INCENP: variants seen among roughly 807,000 people sequenced by gnomAD.
The protein encoded by INCENP is inner centromere protein.
A neutral mutation model predicts 107.3 loss-of-function variants in INCENP; 43 were observed. The observed-to-expected ratio is 0.40, with a 90% CI of 0.31 to 0.52. INCENP has a LOEUF of 0.52. Ranked by LOEUF, INCENP falls within the 20% of genes least tolerant of loss-of-function variation. The probability of loss-of-function intolerance (pLI) is 0.53; values close to 1 mark genes in which losing one functional copy is unlikely to be tolerated. For missense variants in INCENP, 1,089 were observed against 1,250.9 expected (o/e 0.87, Z 1.95); for synonymous variants, 488 against 494.4 (o/e 0.99, Z 0.17).
intron 11 of INCENP, among the ~76,000 whole-genome samples, chr11:62,144,522 G>T (rs1052510597): frequency 1.3e-5 from 2 of 152,024 alleles, no homozygotes; most frequent in African/African-American, 4.8e-5. Context: ...ATATAGTATG[G>T]ATATTATAAA....
At chr11:62,142,278 C>G (rs1232447088) in intron 11 of INCENP, among the ~76,000 whole-genome samples, 1 of 152,232 alleles carries the variant, frequency 6.6e-6, no homozygotes, top group Non-Finnish European at 1.5e-5. Context: ...AGGGCCTCGG[C>G]AGGTGAGAGG....
chr11:62,144,745 G>A (rs750525293), intron 11 of INCENP: 12 of 753,374 alleles, frequency 1.6e-5, no homozygotes, highest in South Asian at 5.4e-5. Context: ...GCTCAATGGA[G>A]GGCACTGTGG....
chr11:62,140,134 G>A lies in INCENP; in HGVS notation c.1292-100G>A, dbSNP rs1223993647. On this transcript the variant is annotated intron_variant, in intron 7 of 18. Coordinates refer to ENST00000394818, the MANE Select transcript of INCENP (RefSeq NM_001040694.2). ...TGCCAGGAAGGGAGCCTTGCCCACT[G>A]CCAAGGCTGCTGCCCAAGGACCCCT... The A allele has an allele frequency of 5.9e-6, 6 of 1,018,278 alleles. No individual in the cohort carries two copies. In the East Asian group the frequency reaches 1.2e-4, roughly 20 times the overall value. The allele number at this position is 1,018,278 out of a possible 1,614,324, so 63.1% of individuals were successfully genotyped here. A position where few individuals can be genotyped will look rare whatever the true frequency, so the allele number is the denominator to read the frequency against.
At position 62,130,131 on chromosome 11, in the gene INCENP, T is replaced by C. The variant is rs1246397293; in HGVS notation, c.604T>C (p.Ser202Pro). ...CCGCACTCTGTCCCCGACTCCAGCT[T>C]CAGCCACAGCTCCAACCTCCCAGGG... ...LPRTLSPTPA[S>P]ATAPTSQGIP... The change falls in exon 4 of 19, where the codon TCA (serine) becomes CCA (proline). Residue 202 changes from serine to proline, a missense_variant. Physicochemically the swap from Ser to Pro is moderately conservative, Grantham distance 74 (BLOSUM62 -1). Coordinates refer to ENST00000394818, the MANE Select transcript of INCENP (RefSeq NM_001040694.2). 1 of 1,613,718 alleles carries C rather than the reference T, an allele frequency of 6.2e-7. No individual in the cohort carries two copies. Among genetic ancestry groups the C allele is most frequent in the Admixed American group, 1.7e-5 (1 of 60,002 alleles).
intron 8 of INCENP, 78 bp downstream of exon 8, chr11:62,140,363 G>C: frequency 7.9e-7 from 1 of 1,268,238 alleles, no homozygotes; most frequent in Non-Finnish European, 1.2e-6. Flanking sequence ...CTCAGGGAAG[G>C]TGGATGTGTG....
chr11:62,138,878 C>A lies in INCENP; in HGVS notation c.1174-10C>A, dbSNP rs776240088. The A allele has an allele frequency of 5.9e-5, 95 of 1,609,734 alleles. 2 individuals carry two copies. The South Asian group carries it at 9.3e-4, about 16-fold the overall frequency. ...GGTCAAGACCCCTAAAGCCTTGGTT[C>A]TTTCCACAGGTCCCTGAGAACAATG... On this transcript the variant is annotated splice_polypyrimidine_tract_variant and intron_variant, in intron 6 of 18. Coordinates refer to ENST00000394818, the MANE Select transcript of INCENP (RefSeq NM_001040694.2).
chr11:62,145,566 G>C (rs1300638214), intron 13 of INCENP, 63 bp from the exon 14 acceptor site: 2 of 1,537,564 alleles, frequency 1.3e-6, no homozygotes, highest in Non-Finnish European at 1.8e-6. Flanking sequence ...ACACAGTTCT[G>C]GGCTCCACTC....
At chr11:62,140,114 G>C in intron 7 of INCENP, 120 bp from the exon 8 acceptor site, 1 of 814,886 alleles carries the variant, frequency 1.2e-6, no homozygotes, top group Non-Finnish European at 2.1e-6. Flanking sequence ...GGAGCTGCCA[G>C]GAAGGGAGCC....
chr11:62,139,164 G>A (rs113628327), intron 7 of INCENP, among the ~76,000 whole-genome samples, 159 bp downstream of exon 7: 208 of 152,276 alleles, frequency 1.4e-3, no homozygotes, highest in African/African-American at 4.5e-3. Flanking sequence ...TTTTGAGTCT[G>A]TAGACTTCAC....
intron 15 of INCENP, among the ~76,000 whole-genome samples, 154 bp from the exon 16 acceptor site, chr11:62,148,322 C>T (rs577388872): frequency 1.7e-4 from 26 of 152,328 alleles, no homozygotes; most frequent in Non-Finnish European, 3.1e-4. Flanking sequence ...GGGGCAAAAG[C>T]GCAGCTCTTG....
Position 62,128,166 on chromosome 11 carries a change from G to T in INCENP, c.5G>T (p.Gly2Val), listed in dbSNP as rs1792947. ...CCTTCACCAGACAGAGCCACCATGG[G>T]GACGACGGCCCCAGGGCCCATTCAC... MGTTAPGPIHLL... is the reference protein window; with the variant it reads MVTTAPGPIHLL... Residue 2 changes from glycine (G) to valine (V), a missense_variant, in exon 2 of 19, where the codon GGG (glycine) becomes GTG (valine). Transcript: ENST00000394818. The T allele has an allele frequency of 3.7e-3, 5,901 of 1,614,114 alleles. 191 individuals carry two copies. In the African/African-American group the frequency reaches 0.069, roughly 19 times the overall value.
At chr11:62,142,884 C>T (rs1277595555) in intron 11 of INCENP, among the ~76,000 whole-genome samples, 1 of 152,200 alleles carries the variant, frequency 6.6e-6, no homozygotes, top group Non-Finnish European at 1.5e-5. Flanking sequence ...CCTGGGCGTT[C>T]GTCAATAACC....
At chr11:62,144,960 C>T in intron 11 of INCENP, 22 bp from the exon 12 acceptor site, 2 of 1,581,652 alleles carry the variant, frequency 1.3e-6, no homozygotes, top group African/African-American at 2.7e-5. Context: ...TGTCCCATCT[C>T]CCTCGCTCCC....
At chr11:62,128,653 C>A in intron 2 of INCENP, 117 bp from the exon 3 acceptor site, 1 of 755,838 alleles carries the variant, frequency 1.3e-6, no homozygotes. Context: ...TCACTTGGTG[C>A]TGGACACCCC....
chr11:62,150,735 G>A (rs1412691217), intron 18 of INCENP, among the ~76,000 whole-genome samples: 3 of 152,234 alleles, frequency 2.0e-5, no homozygotes, highest in Non-Finnish European at 2.9e-5. Flanking sequence ...CAGAATGTGG[G>A]TGAGCGTGAC....
rs1200824810 is a variant in INCENP at position 62,130,038 on chromosome 11, A to T, written c.511A>T (p.Ile171Phe). The change falls in exon 4 of 19, where the codon ATC becomes TTC. Residue 171 changes from isoleucine (I) to phenylalanine (F), a missense_variant. Coordinates refer to ENST00000394818, the MANE Select transcript of INCENP (RefSeq NM_001040694.2). ...TQCQLVPVVE[I>F]GISERQNAEQ... is the part of the protein sequence containing the mutation. ...GTGCCAGCTGGTGCCTGTGGTGGAG[A>T]TCGGCATCAGTGAGCGCCAGAATGC... 1 of 1,613,816 alleles carries T rather than the reference A, an allele frequency of 6.2e-7. No individual in the cohort carries two copies. Among genetic ancestry groups the T allele is most frequent in the East Asian group, 2.2e-5 (1 of 44,880 alleles).
intron 14 of INCENP, 106 bp from the exon 15 acceptor site, chr11:62,146,552 G>A: frequency 6.7e-7 from 1 of 1,485,128 alleles, no homozygotes; most frequent in Non-Finnish European, 9.0e-7. Flanking sequence ...GTTGTCCGTG[G>A]TGGTGGCTGA....
chr11:62,141,380 C>A, intron 10 of INCENP, 120 bp from the exon 11 acceptor site: 1 of 1,303,776 alleles, frequency 7.7e-7, no homozygotes, highest in Admixed American at 1.7e-5. Context: ...GGTGGGGGTG[C>A]TGCTGGCAGG....
In INCENP at chr11:62,137,813, CCTTT is replaced by C. The variant is rs749902498; in HGVS notation, c.1064-14_1064-11del. ...GTGGTCTCTGATGAGATCTTTTGTG[CCTTT>C]CTTTTCCCCCTCAGGTCACAGTTAC... On this transcript the variant is annotated splice_polypyrimidine_tract_variant and intron_variant, in intron 4 of 18. Coordinates refer to ENST00000394818, the MANE Select transcript of INCENP (RefSeq NM_001040694.2). The C allele has an allele frequency of 1.1e-5, 18 of 1,613,192 alleles. No homozygotes were observed. Among genetic ancestry groups the C allele is most frequent in the Non-Finnish European group, 5.9e-6 (7 of 1,179,322 alleles).
Sources: allele counts gnomAD v4.1 joint callset (sites outside exome capture counted in the v4.1 genomes callset), GRCh38; gene constraint gnomAD v4.1.1; transcripts MANE v1.5; gene names NCBI Gene and HGNC (gene_info 2026-07-23, HGNC 2026-07-21).